RBFOX1: variants seen among roughly 807,000 people sequenced by gnomAD.
RBFOX1 encodes the protein RNA binding protein fox-1 homolog 1.
Under a neutral mutation model 57.7 loss-of-function variants are expected in RBFOX1, and 8 were observed. The ratio of observed to expected loss-of-function variants is 0.14; its 90% CI spans 0.08 to 0.25. The LOEUF (loss-of-function observed/expected upper bound fraction) is 0.25, where lower values mean the gene tolerates loss of function less well. RBFOX1 is among the 10% of genes least tolerant of loss of function. The probability of loss-of-function intolerance (pLI) is 1.00; values close to 1 mark genes in which losing one functional copy is unlikely to be tolerated. For synonymous variants in RBFOX1, 326 were observed against 222.4 expected (o/e 1.47, Z -4.15); for missense variants, 611 against 548.5 (o/e 1.11, Z -1.14).
chr16:6,374,821 C>G (rs907965162), intron 2 of RBFOX1, among the ~76,000 whole-genome samples: 1 of 152,134 alleles, frequency 6.6e-6, no homozygotes, highest in Non-Finnish European at 1.5e-5. Context: ...AATTTTTATT[C>G]TTAATCTGTG....
intron 10 of RBFOX1, among the ~76,000 whole-genome samples, chr16:7,609,797 G>A (rs1345365315): frequency 6.9e-6 from 1 of 144,196 alleles, no homozygotes; most frequent in Admixed American, 6.8e-5. Flanking sequence ...GTTGATACTG[G>A]TGGGGTTTTG....
At chr16:6,260,659 C>T (rs374816055) in intron 1 of RBFOX1, among the ~76,000 whole-genome samples, 1 of 152,186 alleles carries the variant, frequency 6.6e-6, no homozygotes, top group African/African-American at 2.4e-5. Context: ...AGGTGGATCA[C>T]TTGAGGTCAC....
At chr16:5,450,453 C>T (rs991473302) in intron 1 of RBFOX1, among the ~76,000 whole-genome samples, 12 of 152,176 alleles carry the variant, frequency 7.9e-5, no homozygotes, top group Admixed American at 2.0e-4. Flanking sequence ...TAATGGTTCT[C>T]TCATGCTCGA....
chr16:5,978,191 G>C (rs551501174), intron 4 of RBFOX1, among the ~76,000 whole-genome samples: 1 of 129,930 alleles, frequency 7.7e-6, no homozygotes, highest in Non-Finnish European at 1.6e-5. Context: ...GTGCATTCCT[G>C]TATTCCCAAA....
chr16:6,696,595 A>T (rs997801821), intron 3 of RBFOX1, among the ~76,000 whole-genome samples: 9 of 152,202 alleles, frequency 5.9e-5, no homozygotes, highest in Non-Finnish European at 8.8e-5. Context: ...CTCATTCATA[A>T]ATGATAATTA....
Position 6,898,197 on chromosome 16 carries a change from C to A in RBFOX1, c.-15-153860C>A, listed in dbSNP as rs377390981. 5.3e-4 allele frequency among the ~76,000 whole-genome samples: 81 copies of A among 152,166 alleles called. 2 individuals are homozygous for A. In the South Asian group the frequency reaches 0.013, roughly 24 times the overall value. On this transcript the variant is annotated intron_variant, in intron 3 of 15. Coordinates refer to ENST00000550418, the MANE Select transcript of RBFOX1 (RefSeq NM_018723.4). ...AACGGCATTAAGAATGCTTACAGTCCATTGTGGAGTTTGCACCCATGGCCG... is the reference window on the plus strand; with the variant it reads ...AACGGCATTAAGAATGCTTACAGTCAATTGTGGAGTTTGCACCCATGGCCG...
intron 3 of RBFOX1, among the ~76,000 whole-genome samples, chr16:7,016,417 T>A (rs1459203871): frequency 6.6e-6 from 1 of 152,196 alleles, no homozygotes; most frequent in Non-Finnish European, 1.5e-5. Flanking sequence ...ACTTAAATTC[T>A]GCAGACTGGA....
In RBFOX1 at chr16:6,035,014, C is replaced by A. The variant is rs1451379015; in HGVS notation, c.-127+15022C>A. ...TGAGTTTAATGTCAACCCGATTGTGCTGTTGACCTTTTGGATTGCATAATT... is the reference window on the plus strand; with the variant it reads ...TGAGTTTAATGTCAACCCGATTGTGATGTTGACCTTTTGGATTGCATAATT... On this transcript the variant is annotated intron_variant, in intron 1 of 15. Transcript: ENST00000550418. Among the ~76,000 whole-genome samples the A allele has an allele frequency of 2.6e-5, 3 of 113,324 alleles. No homozygotes were observed. In the East Asian group the frequency reaches 6.9e-4, roughly 26 times the overall value. The allele number at this position is 113,324 out of a possible 152,430, so 74.3% of individuals were successfully genotyped here. A position where few individuals can be genotyped will look rare whatever the true frequency, so the allele number is the denominator to read the frequency against.
In RBFOX1 at chr16:7,670,562, T is replaced by C. The variant is rs142153152; in HGVS notation, c.930+5594T>C. On this transcript the variant is annotated intron_variant, in intron 13 of 15. Coordinates refer to ENST00000550418, the MANE Select transcript of RBFOX1 (RefSeq NM_018723.4). ...GGGGTGGTTAGACCACTGAGAATAA[T>C]ATTTGTACTGGAAATATTCAAGTAA... Among the ~76,000 whole-genome samples, 317 of 152,158 alleles carry C rather than the reference T, an allele frequency of 2.1e-3. 3 individuals are homozygous for C. The highest frequency in any genetic ancestry group is 7.4e-3 in the African/African-American group (306 of 41,494).
At chr16:7,695,400 A>G (rs937134053) in intron 14 of RBFOX1, among the ~76,000 whole-genome samples, 1 of 152,180 alleles carries the variant, frequency 6.6e-6, no homozygotes, top group Non-Finnish European at 1.5e-5. Flanking sequence ...ACATGCTGAA[A>G]AAACCTGCTT....
chr16:5,834,461 A>G (rs1359259902), intron 3 of RBFOX1, among the ~76,000 whole-genome samples: 2 of 152,180 alleles, frequency 1.3e-5, no homozygotes, highest in Non-Finnish European at 2.9e-5. Flanking sequence ...GTAGTATTCC[A>G]TGGCACACAT....
rs79876291 is a variant in RBFOX1 at position 5,390,633 on chromosome 16, A to G, written c.220-76583A>G. Among the ~76,000 whole-genome samples the G allele has an allele frequency of 7.8e-3, 1,187 of 152,162 alleles. 19 individuals carry two copies. Among genetic ancestry groups the G allele is most frequent in the African/African-American group, 0.026 (1,099 of 41,498 alleles). On this transcript the variant is annotated intron_variant, in intron 1 of 2. Transcript: ENST00000585867. ...GTCACAATATATCATGGATGCTTTT[A>G]TGTTTTAGCCAGGCGAATCTCCCTC...
intron 3 of RBFOX1, among the ~76,000 whole-genome samples, chr16:6,987,304 C>A (rs76636720): frequency 0.065 from 9,957 of 152,078 alleles, 398 homozygotes; most frequent in South Asian, 0.17. Flanking sequence ...CTGGTTCAGT[C>A]CCTGAAGTTT....
intron 4 of RBFOX1, among the ~76,000 whole-genome samples, chr16:7,195,676 C>T (rs960098958): frequency 1.3e-4 from 20 of 152,132 alleles, no homozygotes; most frequent in African/African-American, 4.6e-4. Context: ...CCTCAGCCTC[C>T]CGAGTAGCTG....
intron 3 of RBFOX1, among the ~76,000 whole-genome samples, chr16:5,794,795 C>T (rs927456742): frequency 4.6e-5 from 7 of 152,102 alleles, no homozygotes; most frequent in African/African-American, 1.7e-4. Context: ...ACTGCTAAAC[C>T]AATATTAAAT....
intron 4 of RBFOX1, among the ~76,000 whole-genome samples, chr16:7,396,140 G>T (rs2098135251): frequency 6.6e-6 from 1 of 152,080 alleles, no homozygotes; most frequent in African/African-American, 2.4e-5. Flanking sequence ...CCAATAACCA[G>T]GGCGGAAGGA....
chr16:5,670,561 T>C (rs2049986523), intron 3 of RBFOX1, among the ~76,000 whole-genome samples: 1 of 152,212 alleles, frequency 6.6e-6, no homozygotes, highest in Non-Finnish European at 1.5e-5. Context: ...TGCACTGTGA[T>C]ACTGCCTGAG....
At chr16:5,741,646 A>G (rs576281795) in intron 3 of RBFOX1, among the ~76,000 whole-genome samples, 1 of 152,358 alleles carries the variant, frequency 6.6e-6, no homozygotes, top group South Asian at 2.1e-4. Flanking sequence ...TGCGACACAT[A>G]TATCACCATT....
intron 3 of RBFOX1, among the ~76,000 whole-genome samples, chr16:6,744,767 T>C (rs1241747387): frequency 6.6e-6 from 1 of 152,108 alleles, no homozygotes; most frequent in Admixed American, 6.5e-5. Flanking sequence ...TCACTTACTT[T>C]ATCTTCTGCC....
Sources: allele counts gnomAD v4.1 joint callset (sites outside exome capture counted in the v4.1 genomes callset), GRCh38; gene constraint gnomAD v4.1.1; transcripts MANE v1.5; gene names NCBI Gene and HGNC (gene_info 2026-07-23, HGNC 2026-07-21).